TRPM3: variants seen among roughly 807,000 people sequenced by gnomAD.
TRPM3 encodes the protein transient receptor potential cation channel subfamily M member 3.
Under a neutral mutation model 181.2 loss-of-function variants are expected in TRPM3, and 77 were observed. The ratio of observed to expected loss-of-function variants is 0.42; its 90% CI spans 0.35 to 0.51. The LOEUF is 0.51. Among genes scored for constraint, TRPM3 ranks in the 20% least tolerant of loss-of-function variants. The pLI is 0.01. For missense variants in TRPM3, 1,759 were observed against 2,196.7 expected (o/e 0.80, Z 3.98); for synonymous variants, 745 against 796.4 (o/e 0.94, Z 1.09).
intron 6 of TRPM3, among the ~76,000 whole-genome samples, chr9:70,789,774 A>G (rs1488095317): frequency 2.0e-5 from 3 of 152,244 alleles, no homozygotes; most frequent in Non-Finnish European, 4.4e-5. Flanking sequence ...ACAGGGTTTT[A>G]GGTTACCCTA....
chr9:71,084,244 G>A (rs1431535490), intron 1 of TRPM3, among the ~76,000 whole-genome samples: 1 of 151,920 alleles, frequency 6.6e-6, no homozygotes, highest in Non-Finnish European at 1.5e-5. Flanking sequence ...TTTTAACAAT[G>A]AGCCACGTAG....
chr9:70,756,064 C>G (rs2077028666), intron 8 of TRPM3, among the ~76,000 whole-genome samples: 1 of 151,982 alleles, frequency 6.6e-6, no homozygotes, highest in Admixed American at 6.6e-5. Flanking sequence ...GGAGACCTAT[C>G]TCACATGCAA....
At chr9:70,928,615 T>C (rs899925804) in intron 1 of TRPM3, among the ~76,000 whole-genome samples, 9 of 152,206 alleles carry the variant, frequency 5.9e-5, no homozygotes, top group African/African-American at 1.9e-4. Context: ...GTTGACTTCA[T>C]TGTAGCTGGC....
chr9:71,101,896 G>C (rs1020271476), intron 1 of TRPM3, among the ~76,000 whole-genome samples: 3 of 152,084 alleles, frequency 2.0e-5, no homozygotes, highest in Admixed American at 6.6e-5. Context: ...ACTGGTAAAG[G>C]CCATGAAGTC....
At chr9:70,824,277 A>T (rs1224288161) in intron 6 of TRPM3, among the ~76,000 whole-genome samples, 1 of 152,134 alleles carries the variant, frequency 6.6e-6, no homozygotes, top group Non-Finnish European at 1.5e-5. Flanking sequence ...GAGGTGGTAG[A>T]CACTGTTATT....
intron 1 of TRPM3, among the ~76,000 whole-genome samples, chr9:71,261,728 G>C (rs185442720): frequency 5.5e-4 from 83 of 152,286 alleles, no homozygotes; most frequent in African/African-American, 1.5e-3. Flanking sequence ...ATTGGTTTCT[G>C]TTTGTTAGTT....
At chr9:70,923,809 T>A (rs764416982) in intron 1 of TRPM3, among the ~76,000 whole-genome samples, 7,614 of 137,634 alleles carry the variant, frequency 0.055, 252 homozygotes, top group Non-Finnish European at 0.076. Flanking sequence ...ACACACTCTC[T>A]CTCTCTCTCT....
intron 1 of TRPM3, among the ~76,000 whole-genome samples, chr9:71,344,674 T>C (rs1288302639): frequency 6.6e-6 from 1 of 152,090 alleles, no homozygotes; most frequent in East Asian, 1.9e-4. Flanking sequence ...ACCACTGAGG[T>C]TGACAGATTC....
intron 25 of TRPM3, among the ~76,000 whole-genome samples, chr9:70,539,099 T>C (rs553309658): frequency 2.6e-5 from 4 of 152,352 alleles, no homozygotes; most frequent in African/African-American, 9.6e-5. Flanking sequence ...CTGCTGATTC[T>C]TAAGGCACTT....
intron 11 of TRPM3, among the ~76,000 whole-genome samples, chr9:70,638,565 A>G (rs144725819): frequency 2.0e-5 from 3 of 151,804 alleles, no homozygotes; most frequent in Admixed American, 2.0e-4. Context: ...AAAACAAAAC[A>G]AAACAAAACC....
intron 9 of TRPM3, among the ~76,000 whole-genome samples, chr9:70,659,103 G>T (rs938676377): frequency 3.3e-5 from 5 of 152,084 alleles, no homozygotes; most frequent in Admixed American, 2.6e-4. Context: ...GGCAATACAG[G>T]TATTTGAATA....
At chr9:71,358,466 T>C (rs932059645) in intron 1 of TRPM3, among the ~76,000 whole-genome samples, 1 of 152,162 alleles carries the variant, frequency 6.6e-6, no homozygotes, top group Non-Finnish European at 1.5e-5. Context: ...TAAGGGAGTC[T>C]ACCCTATTGA....
intron 7 of TRPM3, among the ~76,000 whole-genome samples, chr9:70,768,809 G>C (rs1317679654): frequency 6.6e-6 from 1 of 152,042 alleles, no homozygotes; most frequent in Non-Finnish European, 1.5e-5. Flanking sequence ...TTATTTACTA[G>C]TGAGGGACCT....
At chr9:70,791,954 T>A (rs1487259520) in intron 6 of TRPM3, among the ~76,000 whole-genome samples, 1 of 152,182 alleles carries the variant, frequency 6.6e-6, no homozygotes, top group Non-Finnish European at 1.5e-5. Flanking sequence ...TTGCTTTGCT[T>A]TTCTATCTAG....
chr9:70,570,182 C>G (rs562282269), intron 22 of TRPM3, among the ~76,000 whole-genome samples: 1 of 148,198 alleles, frequency 6.7e-6, no homozygotes, highest in South Asian at 2.1e-4. Context: ...ACATTGTACA[C>G]ATGTAAAAAT....
chr9:71,405,537 A>G (rs930112801), intron 1 of TRPM3, among the ~76,000 whole-genome samples: 2 of 152,176 alleles, frequency 1.3e-5, no homozygotes, highest in Non-Finnish European at 2.9e-5. Flanking sequence ...TATTATACAA[A>G]CAGATGTGTC....
intron 1 of TRPM3, among the ~76,000 whole-genome samples, chr9:71,222,200 A>G (rs11142739): frequency 0.052 from 7,965 of 152,264 alleles, 231 homozygotes; most frequent in East Asian, 0.11. Flanking sequence ...TATAATAATA[A>G]ATCCGTTTTT....
At chr9:71,405,982 T>TA (rs1335111805) in intron 1 of TRPM3, among the ~76,000 whole-genome samples, 2 of 151,920 alleles carry the variant, frequency 1.3e-5, no homozygotes, top group Non-Finnish European at 2.9e-5. Context: ...TTTCAAACAA[T>TA]AAAAAATTGG....
chr9:71,286,261 C>G (rs1302734947), intron 1 of TRPM3, among the ~76,000 whole-genome samples: 4 of 152,170 alleles, frequency 2.6e-5, no homozygotes, highest in Non-Finnish European at 5.9e-5. Context: ...TCAGGAAACT[C>G]ATATTAGACA....
Sources: allele counts gnomAD v4.1 joint callset (sites outside exome capture counted in the v4.1 genomes callset), GRCh38; gene constraint gnomAD v4.1.1; transcripts MANE v1.5; gene names NCBI Gene and HGNC (gene_info 2026-07-23, HGNC 2026-07-21).